SOHLH2: variants seen among roughly 807,000 people sequenced by gnomAD.
The protein encoded by SOHLH2 is spermatogenesis and oogenesis specific basic helix-loop-helix 2, also known as spermatogenesis- and oogenesis-specific basic helix-loop-helix-containing protein 2.
In SOHLH2, 22 loss-of-function variants were observed where a neutral mutation model predicts 50.4. The ratio of observed to expected loss-of-function variants is 0.44; its 90% confidence interval spans 0.31 to 0.62. The LOEUF (loss-of-function observed/expected upper bound fraction) is 0.62. SOHLH2 is among the 20% of genes least tolerant of loss of function. SOHLH2 has a pLI of 0.08. For synonymous variants in SOHLH2, 185 were observed against 187.3 expected, an observed-to-expected ratio of 0.99 and a Z score of 0.10; for missense variants, 412 against 504.4, an observed-to-expected ratio of 0.82 and a Z score of 1.76.
In SOHLH2 at chr13:36,173,719, C is replaced by T; in HGVS notation, c.973G>A (p.Glu325Lys). The part of the protein sequence containing the change: ...CWNGCSTPDA[E>K]SSLDEAVRVP... ...CTCACAGCTTCATCCAAGGAGCTCT[C>T]TGCATCAGGAGTGGAGCACCCATTC... is the stretch of plus-strand genomic sequence containing the variant. The change falls in exon 9 of 11, where the codon GAG (glutamate) becomes AAG (lysine). Residue 325 changes from glutamate to lysine, a missense_variant. Glu to Lys is a moderately conservative substitution (Grantham distance 56). Coordinates refer to ENST00000379881, the MANE Select transcript of SOHLH2 (RefSeq NM_017826.3). 1 of 1,613,434 alleles carries T rather than the reference C, an allele frequency of 6.2e-7. No homozygotes were observed. Among genetic ancestry groups the T allele is most frequent in the Non-Finnish European group, 8.5e-7 (1 of 1,179,946 alleles).
At chr13:36,202,132 C>T (rs1593957664) in intron 1 of SOHLH2, 39 bp from the exon 2 acceptor site, 4 of 1,608,858 alleles carry the variant, frequency 2.5e-6, no homozygotes, top group East Asian at 2.2e-5. Context: ...ATAATTATTG[C>T]CTAGGCATAG....
rs539115373 is a variant in SOHLH2 at position 36,213,658 on chromosome 13, G to GA, written c.48+820dup. Among the ~76,000 whole-genome samples, 987 of 152,266 alleles carry GA rather than the reference G, an allele frequency of 6.5e-3. 14 individuals carry two copies. Among genetic ancestry groups the GA allele is most frequent in the African/African-American group, 0.023 (944 of 41,538 alleles). On this transcript the variant is annotated intron_variant, in intron 1 of 10. Transcript: ENST00000379881. The stretch of plus-strand genomic sequence containing the variant: ...GATTTTGTGCTTTGCTAAAGGGGCT[G>GA]AAAAATAAGGTGCTTTCAAGAGAGG...
chr13:36,212,400 C>A (rs1477236815), intron 1 of SOHLH2, among the ~76,000 whole-genome samples: 1 of 152,160 alleles, frequency 6.6e-6, no homozygotes, highest in Non-Finnish European at 1.5e-5. Flanking sequence ...AGTTCCATAA[C>A]TCAAATTAAC....
chr13:36,208,673 TCA>T (rs1201901657), intron 1 of SOHLH2, among the ~76,000 whole-genome samples: 2 of 152,204 alleles, frequency 1.3e-5, no homozygotes, highest in African/African-American at 4.8e-5. Flanking sequence ...TCTCTGAGTC[TCA>T]CAGTTTCTTG....
At position 36,202,096 on chromosome 13, in the gene SOHLH2, G is replaced by C. The variant is rs749824430; in HGVS notation, c.49-3C>G. The C allele has an allele frequency of 6.2e-7, 1 of 1,613,978 alleles. No individual in the cohort carries two copies. The highest frequency in any genetic ancestry group is 8.5e-7 in the Non-Finnish European group (1 of 1,179,986). On this transcript the variant is annotated splice_polypyrimidine_tract_variant and splice_region_variant and intron_variant, in intron 1 of 10. Coordinates refer to ENST00000379881, the MANE Select transcript of SOHLH2 (RefSeq NM_017826.3). ...ACTAATAAGATGTCTATTTTTGCCTGAAAGAGAAGGAAGCAGAGGCGTCAC... is the reference window on the plus strand; with the variant it reads ...ACTAATAAGATGTCTATTTTTGCCTCAAAGAGAAGGAAGCAGAGGCGTCAC...
chr13:36,204,635 C>T (rs1328626), intron 1 of SOHLH2, among the ~76,000 whole-genome samples: 1 of 151,928 alleles, frequency 6.6e-6, no homozygotes, highest in Admixed American at 6.6e-5. Context: ...TCATTCTGAT[C>T]CACTGATCTA....
At chr13:36,174,975 C>G in intron 6 of SOHLH2, 106 bp from the exon 7 acceptor site, 1 of 1,442,150 alleles carries the variant, frequency 6.9e-7, no homozygotes, top group Non-Finnish European at 9.2e-7. Flanking sequence ...AGGAACCATC[C>G]CCTCCCTATA....
chr13:36,177,853 A>G (rs1190751544), intron 6 of SOHLH2, among the ~76,000 whole-genome samples: 2 of 151,936 alleles, frequency 1.3e-5, no homozygotes, highest in Non-Finnish European at 2.9e-5. Flanking sequence ...TTTTCTCCCA[A>G]TCTGCGGCTT....
Position 36,168,982 on chromosome 13 carries a change from G to A in SOHLH2, c.*52C>T. On this transcript the variant is annotated 3_prime_UTR_variant, in exon 11 of 11. Transcript: ENST00000379881. ...TTCTTTGTTCCACTTTTCCTAGATT[G>A]TCAAACTGCGCCCAGTAGGTGGTTG... 1 of 1,579,924 alleles carries A rather than the reference G, an allele frequency of 6.3e-7. No homozygotes were observed. The highest frequency in any genetic ancestry group is 8.6e-7 in the Non-Finnish European group (1 of 1,166,764).
chr13:36,205,862 C>T (rs190514155), intron 1 of SOHLH2, among the ~76,000 whole-genome samples: 1 of 152,038 alleles, frequency 6.6e-6, no homozygotes, highest in African/African-American at 2.4e-5. Flanking sequence ...TCTTACATTT[C>T]ATTTTATAGT....
In SOHLH2 at chr13:36,173,731, T is replaced by G. The variant is rs766778048; in HGVS notation, c.961A>C (p.Thr321Pro). Residue 321 changes from threonine (T) to proline (P), a missense_variant, in exon 9 of 11, where the codon ACT becomes CCT. Physicochemically the swap from Thr to Pro is conservative, Grantham distance 38. Coordinates refer to ENST00000379881, the MANE Select transcript of SOHLH2 (RefSeq NM_017826.3). ...TCCAAGGAGCTCTCTGCATCAGGAG[T>G]GGAGCACCCATTCCAGCACGTATTA... ...LTNTCWNGCS[T>P]PDAESSLDEA... The G allele has an allele frequency of 6.2e-7, 1 of 1,613,618 alleles. No individual in the cohort carries two copies. The highest frequency in any genetic ancestry group is 2.2e-5 in the East Asian group (1 of 44,874).
At chr13:36,191,771 T>A in intron 5 of SOHLH2, 24 bp downstream of exon 5, 1 of 1,612,442 alleles carries the variant, frequency 6.2e-7, no homozygotes, top group Non-Finnish European at 8.5e-7. Context: ...ATATTGCTAT[T>A]ATGAAAAAGA....
intron 6 of SOHLH2, among the ~76,000 whole-genome samples, chr13:36,188,203 T>G (rs77716464): frequency 2.6e-5 from 4 of 152,186 alleles, no homozygotes; most frequent in Non-Finnish European, 5.9e-5. Flanking sequence ...GTTAATGTCA[T>G]GTAGGCAGAA....
intron 6 of SOHLH2, 58 bp from the exon 7 acceptor site, chr13:36,174,927 C>T (rs1887061375): frequency 6.6e-7 from 1 of 1,517,266 alleles, no homozygotes; most frequent in African/African-American, 1.4e-5. Flanking sequence ...TCATTGTACC[C>T]AAAGACAAAC....
At chr13:36,188,170 A>G (rs1286362787) in intron 6 of SOHLH2, among the ~76,000 whole-genome samples, 1 of 152,230 alleles carries the variant, frequency 6.6e-6, no homozygotes, top group Admixed American at 6.5e-5. Flanking sequence ...ACCATCCACC[A>G]GCTGAAAACT....
At chr13:36,187,453 T>C (rs1267309736) in intron 6 of SOHLH2, among the ~76,000 whole-genome samples, 1 of 152,220 alleles carries the variant, frequency 6.6e-6, no homozygotes, top group African/African-American at 2.4e-5. Flanking sequence ...CACTGTATTT[T>C]TCTCATTTGG....
At position 36,170,721 on chromosome 13, in the gene SOHLH2, G is replaced by C. The variant is rs144696055; in HGVS notation, c.1067C>G (p.Ala356Gly). 25 of 1,614,164 alleles carry C rather than the reference G, an allele frequency of 1.5e-5. No individual in the cohort carries two copies. The African/African-American group carries it at 3.2e-4, about 21-fold the overall frequency. The change falls in exon 10 of 11, where the codon GCG becomes GGG. Residue 356 changes from alanine to glycine, a missense_variant. Physicochemically the swap from Ala to Gly is moderately conservative, Grantham distance 60. Coordinates refer to ENST00000379881, the MANE Select transcript of SOHLH2 (RefSeq NM_017826.3). The stretch of plus-strand genomic sequence containing the variant: ...AGTATGCAAGGAATTCAGAGACAGC[G>C]CTGCACTGGAAATGTGAGTTTTATA... ...DPYKTHISSA[A>G]LSLNSLHTVR...
At chr13:36,172,913 T>C (rs1462930785) in intron 9 of SOHLH2, among the ~76,000 whole-genome samples, 1 of 152,246 alleles carries the variant, frequency 6.6e-6, no homozygotes, top group African/African-American at 2.4e-5. Flanking sequence ...CTTCCTGGTT[T>C]CTAGACGGAG....
chr13:36,170,517 C>G lies in SOHLH2; in HGVS notation c.1257+14G>C, dbSNP rs1490773977. Reference sequence around the variant, plus strand: ...AAAGGGTCCAATCTGATCCATGGACCCCTGGAAACTTACCAGACAGTTGGG... The same window carrying G: ...AAAGGGTCCAATCTGATCCATGGACGCCTGGAAACTTACCAGACAGTTGGG... On this transcript the variant is annotated intron_variant, in intron 10 of 10. Coordinates refer to ENST00000379881, the MANE Select transcript of SOHLH2 (RefSeq NM_017826.3). 3.1e-6 allele frequency: 5 copies of G among 1,611,090 alleles called. No individual in the cohort carries two copies. The highest frequency in any genetic ancestry group is 4.2e-6 in the Non-Finnish European group (5 of 1,178,340).
Sources: gnomAD v4.1 joint callset for allele counts (sites outside exome capture counted in the v4.1 genomes callset) on GRCh38, gnomAD v4.1.1 for gene constraint, MANE v1.5 for transcripts, NCBI Gene and HGNC (gene_info 2026-07-23, HGNC 2026-07-21) for gene names.